Variants in PLCD4 observed in about 807,000 individuals in gnomAD.
PLCD4 encodes phospholipase C delta 4.
Under a neutral mutation model 90.2 loss-of-function variants are expected in PLCD4, and 63 were observed. That is an observed-to-expected ratio of 0.70 (90% CI 0.57 to 0.86). The LOEUF is 0.86. PLCD4 is among the 40% of genes least tolerant of loss of function. The pLI is 0.00. For synonymous variants in PLCD4, 294 were observed against 356.5 expected (o/e 0.82, Z 1.97); for missense variants, 830 against 956.3 (o/e 0.87, Z 1.74).
At chr2:218,621,393 T>C (rs987288942) in intron 4 of PLCD4, 77 bp from the exon 5 acceptor site, 5 of 1,532,168 alleles carry the variant, frequency 3.3e-6, no homozygotes, top group Non-Finnish European at 4.5e-6. Context: ...AGGGGAGAGA[T>C]GTCAGTGGAC....
At chr2:218,617,868 C>G (rs944704654) in intron 3 of PLCD4, among the ~76,000 whole-genome samples, 1 of 152,044 alleles carries the variant, frequency 6.6e-6, no homozygotes, top group African/African-American at 2.4e-5. Context: ...GGGTGGATCA[C>G]GAGGTCAGGA....
chr2:218,634,922 A>C lies in PLCD4; in HGVS notation c.1896+292A>C, dbSNP rs1435882072. ...ATAACAGTTAATATAAAGTTCTTAC[A>C]ATTCCTGGCACACAGGAAGTGCTAT... On this transcript the variant is annotated intron_variant, in intron 13 of 15. Transcript: ENST00000450993. The surrounding 1 kb of genome is among the most constrained non-coding windows in gnomAD (Gnocchi z 4.0). Among the ~76,000 whole-genome samples, 1 of 152,144 alleles carries C rather than the reference A, an allele frequency of 6.6e-6. No homozygotes were observed. The highest frequency in any genetic ancestry group is 2.4e-5 in the African/African-American group (1 of 41,424).
intron 4 of PLCD4, among the ~76,000 whole-genome samples, chr2:218,619,706 A>C (rs1421338000): frequency 6.6e-6 from 1 of 152,066 alleles, no homozygotes; most frequent in Non-Finnish European, 1.5e-5. Flanking sequence ...AGGCCAAGGC[A>C]GGGAGATCAC....
chr2:218,616,898 T>TTA (rs1174872985), intron 3 of PLCD4, among the ~76,000 whole-genome samples: 254 of 6,248 alleles, frequency 0.041, 48 homozygotes, highest in South Asian at 0.057. Flanking sequence ...AGCCATTATT[T>TTA]TATATATATA....
rs538703502 is a variant in PLCD4, at chr2:218,625,287, A to G, written c.772+2409A>G. On this transcript the variant is annotated intron_variant, in intron 6 of 15. Coordinates refer to ENST00000450993, the MANE Select transcript of PLCD4 (RefSeq NM_032726.4). ...TGCAGGATCCAGTAAACATCAGTCCAAGACTCTGTTTCAAACAAAAAAAAA... is the reference window on the plus strand; with the variant it reads ...TGCAGGATCCAGTAAACATCAGTCCGAGACTCTGTTTCAAACAAAAAAAAA... 4.7e-4 allele frequency among the ~76,000 whole-genome samples: 72 copies of G among 151,626 alleles called. 1 individual carries two copies. The highest frequency in any genetic ancestry group is 7.1e-4 in the Non-Finnish European group (48 of 67,874).
chr2:218,636,418 C>T (rs1696755674), intron 15 of PLCD4, 26 bp downstream of exon 15: 1 of 1,614,006 alleles, frequency 6.2e-7, no homozygotes, highest in Non-Finnish European at 8.5e-7. Context: ...TGGCCCCTGG[C>T]CAATACCCCA....
chr2:218,621,779 T>C (rs891324916), intron 5 of PLCD4, among the ~76,000 whole-genome samples, 180 bp downstream of exon 5: 1 of 152,082 alleles, frequency 6.6e-6, no homozygotes, highest in African/African-American at 2.4e-5. Flanking sequence ...CTTTCAGTCT[T>C]GTTGAAAAGT....
intron 1 of PLCD4, among the ~76,000 whole-genome samples, chr2:218,614,126 T>C (rs758503408): frequency 1.3e-5 from 2 of 151,352 alleles, no homozygotes; most frequent in Non-Finnish European, 2.9e-5. Context: ...TTCACACGAC[T>C]CTCCTGCCTC....
intron 2 of PLCD4, 54 bp from the exon 3 acceptor site, chr2:218,615,850 C>T (rs2106122991): frequency 6.2e-7 from 1 of 1,609,148 alleles, no homozygotes; most frequent in Non-Finnish European, 8.5e-7. Context: ...AGAGCTCTCC[C>T]TGGGCCTGCT....
intron 10 of PLCD4, among the ~76,000 whole-genome samples, chr2:218,632,530 ATCT>A (rs1696435542): frequency 6.6e-6 from 1 of 152,194 alleles, no homozygotes; most frequent in South Asian, 2.1e-4. Context: ...TTTGGGCCAC[ATCT>A]TTTTTTTTAA....
chr2:218,627,959 T>A, intron 6 of PLCD4, 70 bp from the exon 7 acceptor site: 1 of 1,388,976 alleles, frequency 7.2e-7, no homozygotes, highest in Admixed American at 1.9e-5. Context: ...GGAGGAAGGA[T>A]GGACTGTAGG....
intron 1 of PLCD4, among the ~76,000 whole-genome samples, chr2:218,611,992 G>A (rs377113728): frequency 1.3e-5 from 2 of 148,456 alleles, no homozygotes; most frequent in African/African-American, 2.5e-5. Flanking sequence ...GCAGTGGTGC[G>A]ATCTTGGCTC....
intron 9 of PLCD4, 23 bp downstream of exon 9, chr2:218,630,825 C>T (rs1461671007): frequency 4.4e-6 from 7 of 1,592,514 alleles, no homozygotes; most frequent in South Asian, 1.1e-5. Flanking sequence ...TTCCTCCAGC[C>T]CAGGCTCTGC....
At position 218,630,819 on chromosome 2, in the gene PLCD4, T is replaced by C. The variant is rs760717609; in HGVS notation, c.1272+17T>C. The C allele has an allele frequency of 6.2e-7, 1 of 1,600,846 alleles. No homozygotes were observed. The highest frequency in any genetic ancestry group is 2.2e-5 in the East Asian group (1 of 44,624). ...TCGCCTGAGGTAGGGACACTGTTCC[T>C]CCAGCCCAGGCTCTGCTGTGGCTTC... On this transcript the variant is annotated intron_variant, in intron 9 of 15. Transcript: ENST00000450993.
chr2:218,630,073 T>C (rs931665844), intron 8 of PLCD4, among the ~76,000 whole-genome samples: 3 of 152,092 alleles, frequency 2.0e-5, no homozygotes, highest in Non-Finnish European at 4.4e-5. Flanking sequence ...GCTACTTGGG[T>C]GGCTGAAGCA....
chr2:218,630,905 C>G, intron 9 of PLCD4, 103 bp downstream of exon 9: 1 of 1,252,120 alleles, frequency 8.0e-7, no homozygotes, highest in Non-Finnish European at 1.1e-6. Flanking sequence ...TTTCTATCCT[C>G]GGATGGACCA....
At chr2:218,617,084 C>CCTTCTGAG (rs1344966243) in intron 3 of PLCD4, among the ~76,000 whole-genome samples, 1 of 142,764 alleles carries the variant, frequency 7.0e-6, no homozygotes, top group Non-Finnish European at 1.5e-5. Context: ...CTTGCCTCAG[C>CCTTCTGAG]CTTCTGAGTG....
At chr2:218,619,940 C>T (rs1216823228) in intron 4 of PLCD4, among the ~76,000 whole-genome samples, 5 of 152,158 alleles carry the variant, frequency 3.3e-5, no homozygotes, top group African/African-American at 9.7e-5. Context: ...TGCAGTGGCA[C>T]GATCTTGGCT....
intron 11 of PLCD4, 164 bp from the exon 12 acceptor site, chr2:218,633,941 G>C: frequency 3.3e-6 from 4 of 1,208,948 alleles, no homozygotes; most frequent in Non-Finnish European, 4.6e-6. Context: ...GGGTCTAGGG[G>C]CAGGAAAGCT....
Sources: gnomAD v4.1 joint callset for allele counts (sites outside exome capture counted in the v4.1 genomes callset) on GRCh38, gnomAD v4.1.1 for gene constraint, Gnocchi (gnomAD v3.1) non-coding constraint, MANE v1.5 for transcripts, NCBI Gene and HGNC (gene_info 2026-07-23, HGNC 2026-07-21) for gene names.